The following SLC35F3 variants were observed in gnomAD, a reference collection of about 807,000 sequenced individuals.
SLC35F3 encodes the protein putative thiamine transporter SLC35F3.
Under a neutral mutation model 49.9 loss-of-function variants are expected in SLC35F3, and 25 were observed. The ratio of observed to expected loss-of-function variants is 0.50; its 90% CI spans 0.37 to 0.70. SLC35F3 has a LOEUF of 0.70. SLC35F3 is among the 30% of genes least tolerant of loss of function. The pLI, the probability that SLC35F3 is intolerant of heterozygous loss-of-function variation, is 0.00. For synonymous variants in SLC35F3, 275 were observed against 265.4 expected (o/e 1.04, Z -0.35); for missense variants, 525 against 639.8 (o/e 0.82, Z 1.94).
intron 6 of SLC35F3, among the ~76,000 whole-genome samples, chr1:234,319,761 C>T (rs886832162): frequency 6.6e-6 from 1 of 151,696 alleles, no homozygotes; most frequent in Non-Finnish European, 1.5e-5. Context: ...TCCCAGAGCT[C>T]CTGTTCATGC....
At chr1:234,232,519 C>CAAAAAAAAAA (rs536692686) in intron 3 of SLC35F3, among the ~76,000 whole-genome samples, 141 of 72,068 alleles carry the variant, frequency 2.0e-3, no homozygotes, top group African/African-American at 3.0e-3. Context: ...CAGGCCTAGT[C>CAAAAAAAAAA]AAAAAAAAAA....
At position 234,214,329 on chromosome 1, in the gene SLC35F3, C is replaced by T; in HGVS notation, c.284-17088C>T. The T allele has an allele frequency of 1.5e-6, 2 of 1,310,292 alleles. No individual in the cohort carries two copies. The highest frequency in any genetic ancestry group is 4.5e-5 in the South Asian group (2 of 44,360). 81.2% of individuals were successfully genotyped at this position (1,310,292 alleles called of 1,614,324 possible). A position where few individuals can be genotyped will look rare whatever the true frequency, so the allele number is the denominator to read the frequency against. ...GCGGCCGCCGCAGTGAGCAACGCGG[C>T]AACCGGAGCCCGGCGGGCAGCCGGG... On this transcript the variant is annotated intron_variant, in intron 2 of 7. Coordinates refer to ENST00000366618, the MANE Select transcript of SLC35F3 (RefSeq NM_173508.4). This position sits in a 1 kb window ranked among gnomAD's most constrained non-coding sequence, Gnocchi z 8.0.
chr1:234,038,746 A>T (rs1664179892), intron 2 of SLC35F3, among the ~76,000 whole-genome samples: 1 of 152,244 alleles, frequency 6.6e-6, no homozygotes, highest in Admixed American at 6.5e-5. Flanking sequence ...TAAAAGGATC[A>T]TTCTGGCTGC....
chr1:234,108,772 TCTTTTATATATAAAA>T (rs1665350824), intron 2 of SLC35F3, among the ~76,000 whole-genome samples: 1 of 92,064 alleles, frequency 1.1e-5, no homozygotes, highest in Non-Finnish European at 2.0e-5. Context: ...AATATATATA[TCTTTTATATATAAAA>T]GATATATATA....
intron 2 of SLC35F3, among the ~76,000 whole-genome samples, chr1:234,224,951 C>T (rs566190964): frequency 6.6e-6 from 1 of 152,324 alleles, no homozygotes; most frequent in East Asian, 1.9e-4. Context: ...CACCTAACTT[C>T]AATTATCTAT....
At chr1:234,138,413 AG>A (rs1208622731) in intron 2 of SLC35F3, among the ~76,000 whole-genome samples, 1 of 152,192 alleles carries the variant, frequency 6.6e-6, no homozygotes, top group Non-Finnish European at 1.5e-5. Context: ...CCAGCAAAGA[AG>A]GGGTAAATAT....
intron 3 of SLC35F3, among the ~76,000 whole-genome samples, chr1:234,284,720 G>A (rs1572134586): frequency 6.6e-6 from 1 of 152,182 alleles, no homozygotes; most frequent in Non-Finnish European, 1.5e-5. Context: ...CCAAATGCAG[G>A]CATCCAGGTA....
chr1:233,956,851 T>C (rs1662713202), intron 2 of SLC35F3, among the ~76,000 whole-genome samples: 1 of 152,174 alleles, frequency 6.6e-6, no homozygotes, highest in Non-Finnish European at 1.5e-5. Context: ...TCCTTTCCCA[T>C]TCATGGGGAA....
intron 2 of SLC35F3, among the ~76,000 whole-genome samples, chr1:234,035,983 G>T (rs867432263): frequency 2.6e-5 from 4 of 152,270 alleles, no homozygotes; most frequent in Admixed American, 6.5e-5. Flanking sequence ...ATACTTAGGA[G>T]CAGGGCACTA....
In SLC35F3 at chr1:234,231,068, C is replaced by G. The variant is rs1667360773; in HGVS notation, c.284-349C>G. On this transcript the variant is annotated intron_variant, in intron 2 of 7. Transcript: ENST00000366618. The surrounding 1 kb of genome is among the most constrained non-coding windows in gnomAD (Gnocchi z 5.4). ...CTGTGTGTTCTGGAGGAGTGTTTCC[C>G]AAAGCACGCAGATCACCTGAGGAAT... Among the ~76,000 whole-genome samples the G allele has an allele frequency of 6.6e-6, 1 of 152,158 alleles. No homozygotes were observed. The highest frequency in any genetic ancestry group is 1.5e-5 in the Non-Finnish European group (1 of 68,034).
intron 2 of SLC35F3, among the ~76,000 whole-genome samples, chr1:233,911,904 G>C (rs1345388856): frequency 6.6e-6 from 1 of 152,156 alleles, no homozygotes; most frequent in Non-Finnish European, 1.5e-5. Context: ...AGTCCCTCCT[G>C]GATCTCATTA....
intron 2 of SLC35F3, among the ~76,000 whole-genome samples, chr1:234,028,033 A>G (rs1307535783): frequency 6.6e-6 from 1 of 152,222 alleles, no homozygotes; most frequent in Admixed American, 6.5e-5. Context: ...GGGTAAAACT[A>G]TATAGGCCAG....
chr1:234,173,096 C>T (rs1054437228), intron 2 of SLC35F3, among the ~76,000 whole-genome samples: 4 of 152,098 alleles, frequency 2.6e-5, no homozygotes, highest in Non-Finnish European at 5.9e-5. Flanking sequence ...TGCCTGTGCC[C>T]CCTTAACTAA....
chr1:233,941,561 A>G lies in SLC35F3; in HGVS notation c.283+35803A>G, dbSNP rs558265781. On this transcript the variant is annotated intron_variant, in intron 2 of 7. Coordinates refer to ENST00000366618, the MANE Select transcript of SLC35F3 (RefSeq NM_173508.4). ...AGTTTGTGCCCAGAACACATTTGTG[A>G]AGTAAATTAACCAGTTAATTAAAGT... 5.3e-4 allele frequency among the ~76,000 whole-genome samples: 81 copies of G among 152,320 alleles called. 2 individuals carry two copies. The South Asian group carries it at 0.015, about 29-fold the overall frequency.
At chr1:234,309,003 C>T in intron 3 of SLC35F3, 98 bp from the exon 4 acceptor site, 1 of 800,084 alleles carries the variant, frequency 1.2e-6, no homozygotes, top group Non-Finnish European at 1.9e-6. Context: ...CCTGCCCCTT[C>T]CTATATTTGC....
intron 2 of SLC35F3, among the ~76,000 whole-genome samples, chr1:233,966,551 C>A (rs1192791807): frequency 1.3e-5 from 2 of 152,198 alleles, no homozygotes; most frequent in East Asian, 1.9e-4. Context: ...CCAATCAGAA[C>A]TAATCTGGAT....
At position 233,905,101 on chromosome 1, in the gene SLC35F3, C is replaced by T; in HGVS notation, c.24C>T (p.Ser8=). 1 of 1,563,572 alleles carries T rather than the reference C, an allele frequency of 6.4e-7. No individual in the cohort carries two copies. The highest frequency in any genetic ancestry group is 8.7e-7 in the Non-Finnish European group (1 of 1,152,824). Residue 8 remains serine, a synonymous_variant, in exon 1 of 8, where the codon AGC becomes AGT. Coordinates refer to ENST00000366618, the MANE Select transcript of SLC35F3 (RefSeq NM_173508.4). ...CTATGGGGATTCGAGAGTTTCCCAG[C>T]GGCGCACCCAGGGGCAAGAGCATTG... MGIREFP[S]GAPRGKSIAV...
chr1:234,029,247 G>A (rs926488970), intron 2 of SLC35F3, among the ~76,000 whole-genome samples: 4 of 152,128 alleles, frequency 2.6e-5, no homozygotes, highest in Admixed American at 6.5e-5. Flanking sequence ...TGTAGACACC[G>A]GGTCTTGTGG....
intron 2 of SLC35F3, among the ~76,000 whole-genome samples, chr1:233,934,756 A>C (rs749720324): frequency 1.4e-5 from 2 of 141,086 alleles, no homozygotes; most frequent in African/African-American, 5.1e-5. Context: ...TAAAATAATC[A>C]AAAAAGCCAC....
Sources: gnomAD v4.1 joint callset for allele counts (sites outside exome capture counted in the v4.1 genomes callset) on GRCh38, gnomAD v4.1.1 for gene constraint, Gnocchi (gnomAD v3.1) non-coding constraint, MANE v1.5 for transcripts, NCBI Gene and HGNC (gene_info 2026-07-23, HGNC 2026-07-21) for gene names.